PTER: variants seen among roughly 807,000 people sequenced by gnomAD.
The protein encoded by PTER is phosphotriesterase related, also known as N-acetyltaurine hydrolase.
In PTER, 38 loss-of-function variants were observed where a neutral mutation model predicts 29.6. The observed-to-expected ratio is 1.28, with a 90% CI of 0.99 to 1.68. PTER has a LOEUF of 1.68. Ranked by LOEUF, PTER falls within the 40% of genes most tolerant of loss-of-function variation. The probability of loss-of-function intolerance (pLI) is 0.00; values close to 1 mark genes in which losing one functional copy is unlikely to be tolerated. For missense variants in PTER, 482 were observed against 427.8 expected, an observed-to-expected ratio of 1.13 and a Z score of -1.12; for synonymous variants, 172 against 154.5, an observed-to-expected ratio of 1.11 and a Z score of -0.84.
chr10:16,463,736 C>T (rs1313586177), intron 1 of PTER, among the ~76,000 whole-genome samples: 1 of 152,106 alleles, frequency 6.6e-6, no homozygotes, highest in Non-Finnish European at 1.5e-5. Context: ...TTCTTTGGCC[C>T]ACATTTTAGG....
At chr10:16,477,785 A>G (rs141191314) in intron 1 of PTER, among the ~76,000 whole-genome samples, 124 of 152,346 alleles carry the variant, frequency 8.1e-4, no homozygotes, top group Middle Eastern at 3.4e-3. Context: ...TGAGAGGAAT[A>G]TAGATATTTT....
At chr10:16,486,023 TC>T (rs2133453371) in intron 2 of PTER, among the ~76,000 whole-genome samples, 1 of 152,246 alleles carries the variant, frequency 6.6e-6, no homozygotes, top group South Asian at 2.1e-4. Flanking sequence ...TAGATGCTGC[TC>T]CCCAGGTTAA....
chr10:16,457,880 A>T (rs1834471091), intron 1 of PTER, among the ~76,000 whole-genome samples: 1 of 152,188 alleles, frequency 6.6e-6, no homozygotes, highest in Admixed American at 6.5e-5. Context: ...AAGTGCTGAG[A>T]TTACAGGCAT....
At chr10:16,438,963 T>C (rs1266396136) in intron 1 of PTER, among the ~76,000 whole-genome samples, 3 of 149,566 alleles carry the variant, frequency 2.0e-5, no homozygotes, top group East Asian at 2.0e-4. Context: ...AGGTCGCTAG[T>C]GGATGTAATA....
At chr10:16,439,476 C>G (rs1564381179) in intron 1 of PTER, among the ~76,000 whole-genome samples, 1 of 152,112 alleles carries the variant, frequency 6.6e-6, no homozygotes, top group Admixed American at 6.5e-5. Flanking sequence ...GTACTCAGTG[C>G]CAGGACTTGG....
chr10:16,447,089 T>G (rs1228156206), intron 1 of PTER, among the ~76,000 whole-genome samples: 1 of 137,990 alleles, frequency 7.2e-6, no homozygotes, highest in African/African-American at 2.8e-5. Context: ...ATACCCGGCC[T>G]TTTTTTCTTT....
Position 16,454,473 on chromosome 10 carries a change from G to A in PTER, c.-49+17426G>A, listed in dbSNP as rs151045240. ...CACCTGTAATCCCAGATACTTAGGA[G>A]GCTGAGACATGAGAATTGCTTGAAC... On this transcript the variant is annotated intron_variant, in intron 1 of 4. Coordinates refer to ENST00000535784, the MANE Select transcript of PTER (RefSeq NM_001261836.2). Among the ~76,000 whole-genome samples, 4 of 151,938 alleles carry A rather than the reference G, an allele frequency of 2.6e-5. No homozygotes were observed. The East Asian group carries it at 5.8e-4, about 22-fold the overall frequency.
chr10:16,517,590 G>C (rs45558034), downstream of PTER, among the ~76,000 whole-genome samples: 1 of 151,998 alleles, frequency 6.6e-6, no homozygotes, highest in Non-Finnish European at 1.5e-5. Flanking sequence ...TATTTGAGTT[G>C]AACTTTTACC....
intron 1 of PTER, among the ~76,000 whole-genome samples, chr10:16,479,778 T>C (rs1343259104): frequency 6.6e-6 from 1 of 151,978 alleles, no homozygotes; most frequent in East Asian, 2.0e-4. Context: ...CCTGATTTTT[T>C]CTGGATAATA....
chr10:16,480,497 A>G (rs1455014404), intron 1 of PTER, among the ~76,000 whole-genome samples: 2 of 152,088 alleles, frequency 1.3e-5, no homozygotes, highest in Non-Finnish European at 2.9e-5. Flanking sequence ...TGCCTGACCT[A>G]ATTTGACCAT....
chr10:16,453,090 A>G (rs1188531818), intron 1 of PTER, among the ~76,000 whole-genome samples: 3 of 151,972 alleles, frequency 2.0e-5, no homozygotes, highest in Non-Finnish European at 2.9e-5. Flanking sequence ...TGGGGTCTCA[A>G]TATGTTGTCC....
chr10:16,448,809 T>C (rs1156247170), intron 1 of PTER, among the ~76,000 whole-genome samples: 1 of 152,214 alleles, frequency 6.6e-6, no homozygotes, highest in Non-Finnish European at 1.5e-5. Context: ...AGTAAAGGTA[T>C]ATTGCTGGCC....
chr10:16,505,196 C>A, intron 4 of PTER, 36 bp downstream of exon 4: 1 of 1,605,524 alleles, frequency 6.2e-7, no homozygotes, highest in South Asian at 1.1e-5. Context: ...CATTCCCTTT[C>A]CCTAGCCCTT....
intron 1 of PTER, among the ~76,000 whole-genome samples, chr10:16,480,630 T>G (rs576812562): frequency 3.3e-5 from 5 of 152,056 alleles, no homozygotes; most frequent in Non-Finnish European, 7.4e-5. Flanking sequence ...TAAGAGAAGC[T>G]CTCCTCATTC....
chr10:16,438,498 G>A lies in PTER; in HGVS notation c.-49+1451G>A, dbSNP rs561472810. ...TTTTTTTTGTATTTTTGGTAGAGACGGGGTTTTGCCATTTTGTCCAGGTTG... is the reference window on the plus strand; with the variant it reads ...TTTTTTTTGTATTTTTGGTAGAGACAGGGTTTTGCCATTTTGTCCAGGTTG... On this transcript the variant is annotated intron_variant, in intron 1 of 4. Coordinates refer to ENST00000535784, the MANE Select transcript of PTER (RefSeq NM_001261836.2). Among the ~76,000 whole-genome samples, 6 of 149,636 alleles carry A rather than the reference G, an allele frequency of 4.0e-5. No homozygotes were observed. The East Asian group carries it at 1.2e-3, about 30-fold the overall frequency.
Position 16,486,528 on chromosome 10 carries a change from A to T in PTER, c.609A>T (p.Gly203=). The change falls in exon 3 of 5, where the codon GGA becomes GGT. Residue 203 remains glycine (G), a synonymous_variant. Transcript: ENST00000535784. ...QLGCPVIIHP[G]RSSRAPFQII... ...GTTGTCCTGTTATTATCCATCCTGGACGGAGCTCCAGGGCACCATTTCAGA... is the reference window on the plus strand; with the variant it reads ...GTTGTCCTGTTATTATCCATCCTGGTCGGAGCTCCAGGGCACCATTTCAGA... 6.2e-7 allele frequency: 1 copy of T among 1,614,056 alleles called. No homozygotes were observed. The highest frequency in any genetic ancestry group is 8.5e-7 in the Non-Finnish European group (1 of 1,179,956).
chr10:16,515,223 A>AG (rs1836931606), downstream of PTER, among the ~76,000 whole-genome samples: 1 of 121,448 alleles, frequency 8.2e-6, no homozygotes, highest in African/African-American at 3.8e-5. Context: ...CTACTTACAA[A>AG]GAAAAAAAAA....
At chr10:16,457,106 A>T (rs1236685923) in intron 1 of PTER, among the ~76,000 whole-genome samples, 1 of 152,162 alleles carries the variant, frequency 6.6e-6, no homozygotes, top group Non-Finnish European at 1.5e-5. Flanking sequence ...CCCAGAGTGA[A>T]TTAGTGAATA....
chr10:16,438,621 A>G (rs1402188557), intron 1 of PTER, among the ~76,000 whole-genome samples: 1 of 150,048 alleles, frequency 6.7e-6, no homozygotes, highest in Non-Finnish European at 1.5e-5. Context: ...CCTGTTTTCT[A>G]GACACATTAA....
Sources: allele counts gnomAD v4.1 joint callset (sites outside exome capture counted in the v4.1 genomes callset), GRCh38; gene constraint gnomAD v4.1.1; transcripts MANE v1.5; gene names NCBI Gene and HGNC (gene_info 2026-07-23, HGNC 2026-07-21).